POLQ: variants seen among roughly 807,000 people sequenced by gnomAD.
POLQ encodes the protein DNA polymerase theta.
In POLQ, 233 loss-of-function variants were observed where a neutral mutation model predicts 259.2. The observed-to-expected ratio is 0.90, with a 90% CI of 0.81 to 1.00. POLQ has a LOEUF of 1.00. Among genes scored for constraint, POLQ ranks in the 50% least tolerant of loss-of-function variants. POLQ has a pLI of 0.00. For synonymous variants in POLQ, 1,025 were observed against 1,048.8 expected (o/e 0.98, Z 0.44); for missense variants, 2,871 against 3,051.6 (o/e 0.94, Z 1.39).
At chr3:121,511,653 C>T in intron 10 of POLQ, among the ~76,000 whole-genome samples, 1 of 152,004 alleles carries the variant, frequency 6.6e-6, no homozygotes, top group East Asian at 1.9e-4. Context: ...TGGTGTGTGC[C>T]TGTAATCCCA....
Position 121,476,723 on chromosome 3 carries a change from A to T in POLQ, c.6222T>A (p.Arg2074=), listed in dbSNP as rs1475254324. The T allele has an allele frequency of 6.3e-7, 1 of 1,597,498 alleles. No individual in the cohort carries two copies. The highest frequency in any genetic ancestry group is 1.4e-5 in the African/African-American group (1 of 73,788). The change falls in exon 20 of 30, where the codon CGT becomes CGA. Residue 2074 remains arginine, a synonymous_variant. Transcript: ENST00000264233. ...LQKENLQDVF[R]KVEMPSQYCL... is the part of the protein sequence containing the mutation. ...AGTACTGAGAGGGCATTTCCACCTT[A>T]CGGAAAACATCTGGAAGAAAAAAGA...
At chr3:121,522,218 A>ATAATAGAGC in intron 7 of POLQ, 69 bp from the exon 8 acceptor site, 1 of 1,158,916 alleles carries the variant, frequency 8.6e-7, no homozygotes, top group Non-Finnish European at 1.2e-6. Context: ...TGTCTAAATC[A>ATAATAGAGC]TAATAGAGCT....
At chr3:121,468,454 C>T in intron 22 of POLQ, 23 bp from the exon 23 acceptor site, 1 of 1,565,636 alleles carries the variant, frequency 6.4e-7, no homozygotes, top group Non-Finnish European at 8.7e-7. Context: ...AGAATAAAGA[C>T]ATAAAATCAG....
At chr3:121,510,315 T>A (rs1250322698) in intron 10 of POLQ, 72 bp from the exon 11 acceptor site, 1 of 1,061,056 alleles carries the variant, frequency 9.4e-7, no homozygotes, top group Non-Finnish European at 1.4e-6. Context: ...CGGTGGCTCA[T>A]GCCTGTAATC....
chr3:121,514,331 A>T (rs1284384750), intron 9 of POLQ, among the ~76,000 whole-genome samples: 1 of 146,908 alleles, frequency 6.8e-6, no homozygotes, highest in African/African-American at 2.5e-5. Context: ...TCCGTGTATT[A>T]AAAAAAAAAA....
chr3:121,440,662 C>A (rs2047584203), intron 26 of POLQ, among the ~76,000 whole-genome samples: 1 of 152,044 alleles, frequency 6.6e-6, no homozygotes, highest in African/African-American at 2.4e-5. Flanking sequence ...ACAACAAAAA[C>A]AAAACGTAAA....
At position 121,531,058 on chromosome 3, in the gene POLQ, A is replaced by G. The variant is rs368117098; in HGVS notation, c.961-1266T>C. 4.8e-3 allele frequency among the ~76,000 whole-genome samples: 737 copies of G among 152,224 alleles called. 7 individuals are homozygous for G. Among genetic ancestry groups the G allele is most frequent in the African/African-American group, 0.017 (699 of 41,540 alleles). On this transcript the variant is annotated intron_variant, in intron 6 of 29. Coordinates refer to ENST00000264233, the MANE Select transcript of POLQ (RefSeq NM_199420.4). ...CAAAATTAGTTGGGCATGGTGGCGC[A>G]TGTCTGTAATCCCAGCTACTCGGGA...
At chr3:121,529,818 T>C in intron 6 of POLQ, 26 bp from the exon 7 acceptor site, 2 of 1,560,354 alleles carry the variant, frequency 1.3e-6, no homozygotes, top group Non-Finnish European at 1.7e-6. Flanking sequence ...AAATAACCAC[T>C]TTAGTGGTCC....
At chr3:121,515,164 A>AT (rs960996683) in intron 9 of POLQ, among the ~76,000 whole-genome samples, 2 of 151,898 alleles carry the variant, frequency 1.3e-5, no homozygotes, top group African/African-American at 4.8e-5. Flanking sequence ...TCAGATGTGC[A>AT]TTTTTTTTAT....
intron 15 of POLQ, among the ~76,000 whole-genome samples, chr3:121,491,142 C>T (rs2048065257): frequency 6.6e-6 from 1 of 151,638 alleles, no homozygotes. Context: ...CACCTGAGGT[C>T]AGGAGTTCAA....
At chr3:121,437,086 C>A (rs1483711491) in intron 27 of POLQ, among the ~76,000 whole-genome samples, 1 of 151,900 alleles carries the variant, frequency 6.6e-6, no homozygotes, top group Admixed American at 6.6e-5. Flanking sequence ...TGAGCTATAC[C>A]CAACTTCTAG....
At position 121,522,509 on chromosome 3, in the gene POLQ, C is replaced by T. The variant is rs944732736; in HGVS notation, c.1109-360G>A. ...TGTATTTTTAGTAGAGACGGGGTTT[C>T]ACCTTGTTAGCCAGGATGGTCTCGA... On this transcript the variant is annotated intron_variant, in intron 7 of 29. Transcript: ENST00000264233. Among the ~76,000 whole-genome samples the T allele has an allele frequency of 2.7e-5, 4 of 150,258 alleles. No homozygotes were observed. In the East Asian group the frequency reaches 7.8e-4, roughly 29 times the overall value.
intron 12 of POLQ, among the ~76,000 whole-genome samples, chr3:121,502,516 A>G (rs1198584046): frequency 6.6e-6 from 1 of 152,170 alleles, no homozygotes; most frequent in Non-Finnish European, 1.5e-5. Flanking sequence ...TATGCATATA[A>G]TTGAATTGTT....
intron 25 of POLQ, 92 bp from the exon 26 acceptor site, chr3:121,449,518 A>C: frequency 1.3e-6 from 1 of 742,160 alleles, no homozygotes; most frequent in East Asian, 2.5e-5. Flanking sequence ...CAAACTTTTT[A>C]TTTCACAGTG....
In POLQ at chr3:121,509,686, T is replaced by C. The variant is rs895671744; in HGVS notation, c.1834A>G (p.Thr612Ala). Residue 612 changes from threonine (T) to alanine (A), a missense_variant, in exon 12 of 30, where the codon ACA (threonine) becomes GCA (alanine). This residue lies in a region of POLQ where 783 missense variants were observed against 906.2 expected (regional missense o/e 0.86). Coordinates refer to ENST00000264233, the MANE Select transcript of POLQ (RefSeq NM_199420.4). ...DGTEGKVYHP[T>A]HLGSATLSSS... ...GAAAGAGTGGCCGAACCAAGATGTGTTGGATGATACACCTTTCCTGGTTTA... is the reference window on the plus strand; with the variant it reads ...GAAAGAGTGGCCGAACCAAGATGTGCTGGATGATACACCTTTCCTGGTTTA... 5.0e-6 allele frequency: 8 copies of C among 1,613,570 alleles called. No individual in the cohort carries two copies. Among genetic ancestry groups the C allele is most frequent in the Middle Eastern group, 3.3e-4 (2 of 6,080 alleles).
chr3:121,492,949 C>T (rs1283334796), intron 15 of POLQ, among the ~76,000 whole-genome samples: 1 of 151,930 alleles, frequency 6.6e-6, no homozygotes, highest in African/African-American at 2.4e-5. Flanking sequence ...CAGCCCCACT[C>T]AGACGTTCTA....
chr3:121,477,112 C>T (rs750733999), intron 19 of POLQ, among the ~76,000 whole-genome samples: 1 of 152,186 alleles, frequency 6.6e-6, no homozygotes, highest in South Asian at 2.1e-4. Flanking sequence ...TGACATGACA[C>T]CACAATTAGG....
intron 5 of POLQ, among the ~76,000 whole-genome samples, chr3:121,534,676 C>T (rs570351868): frequency 1.3e-5 from 2 of 152,298 alleles, no homozygotes; most frequent in East Asian, 3.9e-4. Flanking sequence ...GTCTCTCTTC[C>T]TTAATAATAT....
chr3:121,495,848 C>CAAAA (rs34476932), intron 14 of POLQ, among the ~76,000 whole-genome samples: 4 of 28,100 alleles, frequency 1.4e-4, no homozygotes, highest in Non-Finnish European at 2.3e-4. Context: ...GACTCTGTCT[C>CAAAA]AAAAAAAAAA....
Sources: gnomAD v4.1 joint callset for allele counts (sites outside exome capture counted in the v4.1 genomes callset) on GRCh38, gnomAD v4.1.1 for gene constraint, gnomAD v4.1.1 regional missense constraint, MANE v1.5 for transcripts, NCBI Gene and HGNC (gene_info 2026-07-23, HGNC 2026-07-21) for gene names.